PRKAR2B: variants seen among roughly 807,000 people sequenced by gnomAD.
PRKAR2B encodes cAMP-dependent protein kinase type II-beta regulatory subunit.
A neutral mutation model predicts 49.9 loss-of-function variants in PRKAR2B; 14 were observed. That is an observed-to-expected ratio of 0.28 (90% CI 0.19 to 0.44). The LOEUF is 0.44. Among genes scored for constraint, PRKAR2B ranks in the 20% least tolerant of loss-of-function variants. PRKAR2B has a pLI of 1.00. For synonymous variants in PRKAR2B, 196 were observed against 197.7 expected, an observed-to-expected ratio of 0.99 and a Z score of 0.07; for missense variants, 393 against 537.9, an observed-to-expected ratio of 0.73 and a Z score of 2.67.
chr7:107,098,382 G>C (rs1462673078), intron 2 of PRKAR2B, among the ~76,000 whole-genome samples: 1 of 152,116 alleles, frequency 6.6e-6, no homozygotes, highest in African/African-American at 2.4e-5. Flanking sequence ...GGTCTTGTCT[G>C]TACTGTTTAT....
chr7:107,136,125 T>C (rs548870199), intron 4 of PRKAR2B, among the ~76,000 whole-genome samples: 1 of 152,242 alleles, frequency 6.6e-6, no homozygotes, highest in East Asian at 1.9e-4. Context: ...AAACTAGATA[T>C]CTGAAAAATG....
At chr7:107,140,003 C>A (rs943345536) in intron 4 of PRKAR2B, among the ~76,000 whole-genome samples, 2 of 152,160 alleles carry the variant, frequency 1.3e-5, no homozygotes, top group Non-Finnish European at 2.9e-5. Context: ...AACAAATAAC[C>A]CTCTAAATCT....
At chr7:107,156,915 GA>G in intron 8 of PRKAR2B, 68 bp from the exon 9 acceptor site, 1 of 1,353,530 alleles carries the variant, frequency 7.4e-7, no homozygotes, top group South Asian at 1.2e-5. Context: ...TTAGGGATAT[GA>G]AAGGTAACAA....
intron 1 of PRKAR2B, among the ~76,000 whole-genome samples, chr7:107,056,467 T>G (rs1584402885): frequency 6.6e-6 from 1 of 152,342 alleles, no homozygotes; most frequent in Admixed American, 6.5e-5. Flanking sequence ...GTTCTTCCAT[T>G]TGTTTGTATC....
intron 2 of PRKAR2B, among the ~76,000 whole-genome samples, chr7:107,097,936 C>T (rs1463699951): frequency 1.3e-5 from 2 of 152,174 alleles, no homozygotes; most frequent in South Asian, 4.1e-4. Context: ...TCTGGCTGCC[C>T]TTAACATTTT....
chr7:107,075,708 A>G (rs1241323028), intron 2 of PRKAR2B, among the ~76,000 whole-genome samples: 1 of 152,114 alleles, frequency 6.6e-6, no homozygotes, highest in Admixed American at 6.6e-5. Flanking sequence ...AGCCCCCAGC[A>G]GAGAGTCTAG....
chr7:107,049,003 A>T (rs1200873308), intron 1 of PRKAR2B, among the ~76,000 whole-genome samples: 1 of 152,124 alleles, frequency 6.6e-6, no homozygotes, highest in African/African-American at 2.4e-5. Context: ...ATACAGTTTG[A>T]CATGTCATGT....
chr7:107,158,541 C>T (rs978866043), intron 10 of PRKAR2B, among the ~76,000 whole-genome samples: 1 of 152,020 alleles, frequency 6.6e-6, no homozygotes, highest in Non-Finnish European at 1.5e-5. Context: ...AATATATACA[C>T]GATAAATTAA....
intron 1 of PRKAR2B, among the ~76,000 whole-genome samples, chr7:107,061,728 A>T (rs1166837923): frequency 1.3e-5 from 2 of 152,050 alleles, no homozygotes; most frequent in Non-Finnish European, 2.9e-5. Context: ...ACATGATGAA[A>T]CCCTGTCTCC....
At chr7:107,081,485 C>A (rs1234622117) in intron 2 of PRKAR2B, among the ~76,000 whole-genome samples, 1 of 145,156 alleles carries the variant, frequency 6.9e-6, no homozygotes, top group Non-Finnish European at 1.5e-5. Context: ...TCTCTGAGAG[C>A]CCAGCAATAT....
At chr7:107,112,298 A>G (rs571599454) in intron 2 of PRKAR2B, among the ~76,000 whole-genome samples, 1 of 151,710 alleles carries the variant, frequency 6.6e-6, no homozygotes, top group South Asian at 2.1e-4. Context: ...ATGCTTAATT[A>G]TTAGTTTATA....
intron 8 of PRKAR2B, among the ~76,000 whole-genome samples, chr7:107,156,107 G>A (rs573018090): frequency 7.2e-5 from 11 of 152,268 alleles, no homozygotes; most frequent in African/African-American, 2.6e-4. Context: ...GCCTGTCAGG[G>A]GGTGGGGAGT....
intron 5 of PRKAR2B, among the ~76,000 whole-genome samples, chr7:107,142,051 AC>A (rs1289583631): frequency 4.6e-5 from 7 of 152,120 alleles, no homozygotes; most frequent in African/African-American, 1.7e-4. Flanking sequence ...TGTTCATGAG[AC>A]AATTGGCATC....
intron 3 of PRKAR2B, among the ~76,000 whole-genome samples, chr7:107,127,194 G>A (rs1341000304): frequency 6.6e-6 from 1 of 152,206 alleles, no homozygotes; most frequent in Non-Finnish European, 1.5e-5. Flanking sequence ...GAGCTCTGAT[G>A]CTCTGATGGT....
chr7:107,134,875 A>G (rs1003593008), intron 4 of PRKAR2B, among the ~76,000 whole-genome samples: 1 of 152,206 alleles, frequency 6.6e-6, no homozygotes, highest in Non-Finnish European at 1.5e-5. Context: ...CTTAAACCAT[A>G]AAACTCTTGG....
At chr7:107,053,525 AGTGTGT>A (rs56855022) in intron 1 of PRKAR2B, among the ~76,000 whole-genome samples, 8,726 of 141,918 alleles carry the variant, frequency 0.061, 454 homozygotes, top group African/African-American at 0.15. Flanking sequence ...GATTATAAAG[AGTGTGT>A]GTGTGTGTGT....
chr7:107,114,971 GA>G (rs1453578348), intron 2 of PRKAR2B, among the ~76,000 whole-genome samples: 1 of 152,034 alleles, frequency 6.6e-6, no homozygotes, highest in African/African-American at 2.4e-5. Flanking sequence ...GGCTTATAAT[GA>G]ATCATGGCAA....
intron 1 of PRKAR2B, among the ~76,000 whole-genome samples, chr7:107,048,431 C>T (rs762850471): frequency 2.1e-4 from 32 of 151,878 alleles, no homozygotes; most frequent in African/African-American, 3.1e-4. Flanking sequence ...GATGGATTTG[C>T]ATTGTTGGTT....
intron 2 of PRKAR2B, among the ~76,000 whole-genome samples, chr7:107,119,802 G>T (rs1254035466): frequency 6.6e-6 from 1 of 152,170 alleles, no homozygotes; most frequent in Non-Finnish European, 1.5e-5. Context: ...ATTCAGGAAG[G>T]TAGTTACTAA....
Sources: gnomAD v4.1 joint callset for allele counts (sites outside exome capture counted in the v4.1 genomes callset) on GRCh38, gnomAD v4.1.1 for gene constraint, MANE v1.5 for transcripts, NCBI Gene and HGNC (gene_info 2026-07-23, HGNC 2026-07-21) for gene names.